Variants in GNAI2 observed in about 807,000 individuals in gnomAD.
The protein encoded by GNAI2 is G protein subunit alpha i2.
In GNAI2, 4 loss-of-function variants were observed where a neutral mutation model predicts 36.8. The ratio of observed to expected loss-of-function variants is 0.11; its 90% CI spans 0.05 to 0.25. GNAI2 has a LOEUF of 0.25. GNAI2 is among the 10% of genes least tolerant of loss of function. The probability of loss-of-function intolerance (pLI) is 1.00; values close to 1 mark genes in which losing one functional copy is unlikely to be tolerated. For synonymous variants in GNAI2, 194 were observed against 194.1 expected (o/e 1.00, Z 0.01); for missense variants, 230 against 481.3 (o/e 0.48, Z 4.89).
chr3:50,256,044 CAAAAAA>C (rs1170893603), intron 4 of GNAI2, 142 bp from the exon 5 acceptor site: 584 of 142,142 alleles, frequency 4.1e-3, no homozygotes, highest in South Asian at 4.8e-3. Context: ...CACTCTGTCT[CAAAAAA>C]AAAAAAAAAA....
chr3:50,244,928 T>C (rs1364262610), intron 1 of GNAI2, among the ~76,000 whole-genome samples: 1 of 151,920 alleles, frequency 6.6e-6, no homozygotes, highest in African/African-American at 2.4e-5. Context: ...AGGGTCCAGT[T>C]CCTCACCATG....
chr3:50,236,885 C>T lies in GNAI2; in HGVS notation c.118+432C>T, dbSNP rs1296591237. Among the ~76,000 whole-genome samples the T allele has an allele frequency of 6.6e-6, 1 of 152,182 alleles. No individual in the cohort carries two copies. Among genetic ancestry groups the T allele is most frequent in the African/African-American group, 2.4e-5 (1 of 41,444 alleles). On this transcript the variant is annotated intron_variant, in intron 1 of 8. Coordinates refer to ENST00000313601, the MANE Select transcript of GNAI2 (RefSeq NM_002070.4). The surrounding 1 kb of genome is among the most constrained non-coding windows in gnomAD (Gnocchi z 4.0). ...ATTCCTATTGGGCATGAGCATCCCG[C>T]GGGGCCCCTGCCAGGCCCCCCACCC... is the stretch of plus-strand genomic sequence containing the variant.
chr3:50,249,045 C>T (rs1263439657), intron 1 of GNAI2, among the ~76,000 whole-genome samples: 4 of 152,166 alleles, frequency 2.6e-5, no homozygotes, highest in South Asian at 2.1e-4. Flanking sequence ...CTCTCAGTGG[C>T]CAGATAGGGA....
At chr3:50,228,713 T>C (rs1700019684), upstream of GNAI2, among the ~76,000 whole-genome samples, 1 of 152,224 alleles carries the variant, frequency 6.6e-6, no homozygotes, top group African/African-American at 2.4e-5. Flanking sequence ...CAGCCTGTCC[T>C]GTTGGCATGG....
rs139567497 is a variant in GNAI2, at chr3:50,257,619, G to C, written c.997G>C (p.Val333Leu). 1.2e-6 allele frequency: 2 copies of C among 1,610,430 alleles called. No homozygotes were observed. Among genetic ancestry groups the C allele is most frequent in the African/African-American group, 1.3e-5 (1 of 74,848 alleles). Residue 333 changes from valine (V) to leucine (L), a missense_variant, in exon 8 of 9, where the codon GTG (valine) becomes CTG (leucine). Val to Leu is a conservative substitution (Grantham distance 32, BLOSUM62 1). Around this residue, in one of 4 missense-constraint regions of GNAI2, gnomAD observed 17 missense variants for 48.5 expected, o/e 0.35. Coordinates refer to ENST00000313601, the MANE Select transcript of GNAI2 (RefSeq NM_002070.4). ...CACGTGCGCCACCGACACCAAGAAC[G>C]TGCAGTTCGTGTTTGACGCCGTCAC... ...HFTCATDTKNVQFVFDAVTDV... is the reference protein window; with the variant it reads ...HFTCATDTKNLQFVFDAVTDV...
chr3:50,251,571 A>T, intron 1 of GNAI2: 1 of 1,209,648 alleles, frequency 8.3e-7, no homozygotes, highest in Non-Finnish European at 1.1e-6. Context: ...AGGGCGGGGC[A>T]TTGGGCCATG....
intron 6 of GNAI2, 30 bp downstream of exon 6, chr3:50,256,882 G>A (rs1266058858): frequency 6.2e-7 from 1 of 1,613,682 alleles, no homozygotes; most frequent in Non-Finnish European, 8.5e-7. Flanking sequence ...CTGCGGGTGG[G>A]GGCAGCGGGC....
At chr3:50,257,385 C>T (rs1001431728) in intron 7 of GNAI2, 115 bp from the exon 8 acceptor site, 1 of 682,398 alleles carries the variant, frequency 1.5e-6, no homozygotes, top group East Asian at 2.7e-5. Flanking sequence ...ATATTATGCA[C>T]ATGCATGCAC....
chr3:50,228,670 C>A (rs962549164), upstream of GNAI2, among the ~76,000 whole-genome samples: 3 of 152,180 alleles, frequency 2.0e-5, no homozygotes, highest in Admixed American at 2.0e-4. Flanking sequence ...ATGATCTGGC[C>A]CCTGCTGACC....
At chr3:50,236,007 C>G (rs1339439690), upstream of GNAI2, 1 of 192,892 alleles carries the variant, frequency 5.2e-6, no homozygotes, top group Non-Finnish European at 1.0e-5. This position sits in a 1 kb window ranked among gnomAD's most constrained non-coding sequence, Gnocchi z 4.0. Context: ...CGCGTGGCCC[C>G]GCCTGCAGCC....
In GNAI2 at chr3:50,252,205, T is replaced by C. The variant is rs1700575923; in HGVS notation, c.161+63T>C. On this transcript the variant is annotated intron_variant, in intron 2 of 8. Transcript: ENST00000313601. The surrounding 1 kb of genome is among the most constrained non-coding windows in gnomAD (Gnocchi z 4.1). ...GCTTCCCCTCTTCACCCTCTGGGCC[T>C]GCACTGCCCCCGACTACAGGCCCAG... 1 of 1,524,284 alleles carries C rather than the reference T, an allele frequency of 6.6e-7. No homozygotes were observed. Among genetic ancestry groups the C allele is most frequent in the Non-Finnish European group, 9.1e-7 (1 of 1,102,624 alleles). The allele number at this position is 1,524,284 out of a possible 1,614,324, so 94.4% of individuals were successfully genotyped here. A position where few individuals can be genotyped will look rare whatever the true frequency, so the allele number is the denominator to read the frequency against.
chr3:50,257,227 C>T (rs1700723738), intron 7 of GNAI2, 137 bp downstream of exon 7: 1 of 729,150 alleles, frequency 1.4e-6, no homozygotes, highest in South Asian at 1.7e-5. Context: ...TGGTGCCTCA[C>T]TTAGGCTTGT....
At chr3:50,237,830 G>C (rs1700213850) in intron 1 of GNAI2, among the ~76,000 whole-genome samples, 1 of 152,306 alleles carries the variant, frequency 6.6e-6, no homozygotes, top group East Asian at 1.9e-4. Context: ...GAAGTGCATG[G>C]GGGGGTGTGG....
chr3:50,238,793 C>G lies in GNAI2; in HGVS notation c.118+2340C>G, dbSNP rs1575440220. 1.3e-5 allele frequency among the ~76,000 whole-genome samples: 2 copies of G among 152,246 alleles called. No homozygotes were observed. Among genetic ancestry groups the G allele is most frequent in the African/African-American group, 4.8e-5 (2 of 41,462 alleles). On this transcript the variant is annotated intron_variant, in intron 1 of 8. Coordinates refer to ENST00000313601, the MANE Select transcript of GNAI2 (RefSeq NM_002070.4). This position sits in a 1 kb window ranked among gnomAD's most constrained non-coding sequence, Gnocchi z 5.0. ...GTGCAAGGTGGTGATGGGAGCCCAG[C>G]TGTGGTAAGTTCAGAGTTCTGGGCG...
intron 1 of GNAI2, among the ~76,000 whole-genome samples, chr3:50,244,834 C>T (rs1408491409): frequency 2.6e-5 from 4 of 152,122 alleles, no homozygotes; most frequent in African/African-American, 4.8e-5. Context: ...AGAGCAGAAG[C>T]GTCCAAGCCT....
chr3:50,234,062 ATTT>A (rs782209651), upstream of GNAI2, among the ~76,000 whole-genome samples: 9 of 82,514 alleles, frequency 1.1e-4, no homozygotes, highest in African/African-American at 3.8e-4. Flanking sequence ...CGCCCAGCTG[ATTT>A]TTTTTTTTTT....
intron 4 of GNAI2, 23 bp from the exon 5 acceptor site, chr3:50,256,169 A>ACCCCCCCCCC: frequency 4.1e-6 from 3 of 735,360 alleles, no homozygotes; most frequent in East Asian, 3.4e-5. Context: ...GCCCCCACTG[A>ACCCCCCCCCC]CCCTCCCACC....
Position 50,241,467 on chromosome 3 carries a change from C to T in GNAI2, c.118+5014C>T, listed in dbSNP as rs1223876770. On this transcript the variant is annotated intron_variant, in intron 1 of 8. Transcript: ENST00000313601. The surrounding 1 kb of genome is among the most constrained non-coding windows in gnomAD (Gnocchi z 5.0). ...CAGTTCTGCTAGGCTCAGCCCCTGC[C>T]TCTCACGCCAGTGTCAGTGCAGCCA... Among the ~76,000 whole-genome samples the T allele has an allele frequency of 6.6e-6, 1 of 152,222 alleles. No individual in the cohort carries two copies.
intron 1 of GNAI2, among the ~76,000 whole-genome samples, chr3:50,239,202 G>C (rs587700130): frequency 1.3e-5 from 2 of 152,290 alleles, no homozygotes; most frequent in East Asian, 3.9e-4. Context: ...TTTGGGATGG[G>C]CCTGTGTGGA....
Sources: gnomAD v4.1 joint callset for allele counts (sites outside exome capture counted in the v4.1 genomes callset) on GRCh38, gnomAD v4.1.1 for gene constraint, gnomAD v4.1.1 regional missense constraint, Gnocchi (gnomAD v3.1) non-coding constraint, MANE v1.5 for transcripts, NCBI Gene and HGNC (gene_info 2026-07-23, HGNC 2026-07-21) for gene names.